The following AP5M1 variants were observed in gnomAD, a reference collection of about 807,000 sequenced individuals.
The protein encoded by AP5M1 is adaptor related protein complex 5 subunit mu 1.
In AP5M1, 44 loss-of-function variants were observed where a neutral mutation model predicts 52.3. The observed-to-expected ratio is 0.84, with a 90% CI of 0.66 to 1.08. The LOEUF (loss-of-function observed/expected upper bound fraction) is 1.08, where lower values mean the gene tolerates loss of function less well. Among genes scored for constraint, AP5M1 ranks in the 50% least tolerant of loss-of-function variants. The pLI, the probability that AP5M1 is intolerant of heterozygous loss-of-function variation, is 0.00. For synonymous variants in AP5M1, 213 were observed against 199.0 expected, an observed-to-expected ratio of 1.07 and a Z score of -0.59; for missense variants, 526 against 568.4, an observed-to-expected ratio of 0.93 and a Z score of 0.76.
chr14:57,271,294 T>C (rs1191378717), intron 1 of AP5M1: 1 of 152,278 alleles, frequency 6.6e-6, no homozygotes, highest in Non-Finnish European at 1.5e-5. Context: ...ATGCCGATTT[T>C]GACTAAAGAC....
intron 6 of AP5M1, among the ~76,000 whole-genome samples, chr14:57,284,304 G>C (rs550061004): frequency 6.6e-6 from 1 of 152,308 alleles, no homozygotes; most frequent in African/African-American, 2.4e-5. Context: ...GTAGTACTAT[G>C]AGAGACTGGA....
rs749317594 is a variant in AP5M1, at chr14:57,290,200, A to AT, written c.*1322dup. 1 of 151,930 alleles carries AT rather than the reference A, an allele frequency of 6.6e-6. No individual in the cohort carries two copies. The highest frequency in any genetic ancestry group is 2.4e-5 in the African/African-American group (1 of 41,408). The allele number at this position is 151,930 out of a possible 1,614,324, so 9.4% of individuals were successfully genotyped here. ...ATATAAATTTAGGATTTGAAATATG[A>AT]TTTTTTAATTAAGGTCAGTCCTACT... is the stretch of plus-strand genomic sequence containing the variant. On this transcript the variant is annotated 3_prime_UTR_variant, in exon 8 of 8. Transcript: ENST00000261558.
chr14:57,288,495 T>C (rs1463083872), intron 7 of AP5M1, among the ~76,000 whole-genome samples: 1 of 152,008 alleles, frequency 6.6e-6, no homozygotes, highest in Non-Finnish European at 1.5e-5. Flanking sequence ...TTTAATGTTT[T>C]TGCAGTCAGA....
intron 6 of AP5M1, among the ~76,000 whole-genome samples, chr14:57,285,721 T>G (rs1178849120): frequency 6.6e-6 from 1 of 152,158 alleles, no homozygotes; most frequent in Non-Finnish European, 1.5e-5. Flanking sequence ...TTAGAAGGTG[T>G]ATACTTTCCT....
chr14:57,272,740 A>C (rs1220803750), intron 1 of AP5M1, among the ~76,000 whole-genome samples: 1 of 152,194 alleles, frequency 6.6e-6, no homozygotes, highest in Non-Finnish European at 1.5e-5. Context: ...ATTCATATAC[A>C]GAGATTTAGA....
At position 57,288,823 on chromosome 14, in the gene AP5M1, A is replaced by G. The variant is rs1308095991; in HGVS notation, c.1412A>G (p.Asp471Gly). ...ISAHRKLISS[D>G]YYIWNSKAPA... ...TTAGACCGGAAACTAATTTCTTCTGATTATTACATCTGGAATTCTAAAGCC... is the reference window on the plus strand; with the variant it reads ...TTAGACCGGAAACTAATTTCTTCTGGTTATTACATCTGGAATTCTAAAGCC... The change falls in exon 8 of 8, where the codon GAT (aspartate) becomes GGT (glycine). Residue 471 changes from aspartate to glycine, a missense_variant. This residue lies in a region of AP5M1 where 97 missense variants were observed against 121.3 expected (regional missense o/e 0.80). Coordinates refer to ENST00000261558, the MANE Select transcript of AP5M1 (RefSeq NM_018229.4). The G allele has an allele frequency of 6.3e-7, 1 of 1,589,012 alleles. No individual in the cohort carries two copies. The highest frequency in any genetic ancestry group is 1.7e-5 in the Admixed American group (1 of 58,862).
chr14:57,273,841 C>T, intron 1 of AP5M1: 1 of 662,616 alleles, frequency 1.5e-6, no homozygotes, highest in Non-Finnish European at 2.7e-6. Context: ...ACTTTGTTAG[C>T]CCTACTCTAG....
chr14:57,290,759 A>G lies in AP5M1; in HGVS notation c.*1875A>G, dbSNP rs1885418456. The G allele has an allele frequency of 6.6e-6, 1 of 151,898 alleles. No homozygotes were observed. The highest frequency in any genetic ancestry group is 1.5e-5 in the Non-Finnish European group (1 of 67,882). 9.4% of individuals were successfully genotyped at this position (151,898 alleles called of 1,614,324 possible). The stretch of plus-strand genomic sequence containing the variant: ...CTGAACCAACTTAGGTTTTCATCCC[A>G]TTGAGATCAGCTGGGCACACTGTGA... On this transcript the variant is annotated 3_prime_UTR_variant, in exon 8 of 8. Transcript: ENST00000261558.
At chr14:57,275,060 A>G in intron 2 of AP5M1, 171 bp downstream of exon 2, 1 of 671,072 alleles carries the variant, frequency 1.5e-6, no homozygotes. Context: ...CTTACCAATT[A>G]TATTAGTTAT....
At chr14:57,271,438 T>A (rs1260369003) in intron 1 of AP5M1, 3 of 152,278 alleles carry the variant, frequency 2.0e-5, no homozygotes, top group Non-Finnish European at 2.9e-5. Context: ...TTCGTTTGCA[T>A]TTCTGTATGT....
In AP5M1 at chr14:57,269,139, C is replaced by A; in HGVS notation, c.-176C>A. ...TGGTGTGTGTTGGCCTAGAGCGACT[C>A]AGAAGCGTTAGTGACTTCACCTAAA... On this transcript the variant is annotated 5_prime_UTR_variant, in exon 1 of 8. Coordinates refer to ENST00000261558, the MANE Select transcript of AP5M1 (RefSeq NM_018229.4). 1 of 620,588 alleles carries A rather than the reference C, an allele frequency of 1.6e-6. No individual in the cohort carries two copies. 38.4% of individuals were successfully genotyped at this position (620,588 alleles called of 1,614,324 possible). A position where few individuals can be genotyped will look rare whatever the true frequency, so the allele number is the denominator to read the frequency against.
chr14:57,274,540 G>A lies in AP5M1; in HGVS notation c.371G>A (p.Ser124Asn). The A allele has an allele frequency of 1.2e-6, 2 of 1,614,176 alleles. No individual in the cohort carries two copies. The highest frequency in any genetic ancestry group is 1.7e-6 in the Non-Finnish European group (2 of 1,180,036). ...CTGTCCCCTCGTCCGCCACTAATTA[G>A]TGTCAGTGGAGTTTCACAAGGCTTT... ...QTLSPRPPLI[S>N]VSGVSQGFEF... Residue 124 changes from serine to asparagine, a missense_variant, in exon 2 of 8, where the codon AGT (serine) becomes AAT (asparagine). Ser to Asn is a conservative substitution (Grantham distance 46). This residue lies in a region of AP5M1 where 425 missense variants were observed against 430.6 expected (regional missense o/e 0.99). Transcript: ENST00000261558.
chr14:57,280,315 A>T lies in AP5M1; in HGVS notation c.841A>T (p.Thr281Ser). 6.2e-7 allele frequency: 1 copy of T among 1,613,492 alleles called. No homozygotes were observed. The highest frequency in any genetic ancestry group is 8.5e-7 in the Non-Finnish European group (1 of 1,179,432). Residue 281 changes from threonine (T) to serine (S), a missense_variant, in exon 3 of 8, where the codon ACT becomes TCT. Thr to Ser is a moderately conservative substitution (Grantham distance 58). This residue lies in a region of AP5M1 where 425 missense variants were observed against 430.6 expected (regional missense o/e 0.99). Coordinates refer to ENST00000261558, the MANE Select transcript of AP5M1 (RefSeq NM_018229.4). ...AACTTCTCTTGACTCTGCAATTCTG[A>T]CTTCTAGTAGTATTGATGCAATGGA... ...CVTSLDSAIL[T>S]SSSIDAMDDS...
chr14:57,285,278 A>G (rs1885279373), intron 6 of AP5M1, among the ~76,000 whole-genome samples: 1 of 152,172 alleles, frequency 6.6e-6, no homozygotes, highest in African/African-American at 2.4e-5. Flanking sequence ...TACCTTTCAG[A>G]AAAAAATGTG....
intron 7 of AP5M1, among the ~76,000 whole-genome samples, chr14:57,287,128 G>A (rs968126073): frequency 7.9e-5 from 12 of 152,054 alleles, no homozygotes; most frequent in Admixed American, 3.9e-4. Flanking sequence ...TAGCTAAAAT[G>A]AGGTAGAGTT....
At chr14:57,286,034 A>G (rs1885298977) in intron 6 of AP5M1, among the ~76,000 whole-genome samples, 189 bp from the exon 7 acceptor site, 1 of 151,424 alleles carries the variant, frequency 6.6e-6, no homozygotes, top group South Asian at 2.1e-4. Context: ...ATGCAAACGG[A>G]AAAAAAAACT....
intron 2 of AP5M1, among the ~76,000 whole-genome samples, chr14:57,275,759 G>A (rs1259173708): frequency 6.6e-6 from 1 of 152,134 alleles, no homozygotes; most frequent in East Asian, 1.9e-4. Context: ...AAGTCGTTAG[G>A]TTAATATTGG....
At position 57,288,921 on chromosome 14, in the gene AP5M1, A is replaced by T. The variant is rs1215347904; in HGVS notation, c.*37A>T. On this transcript the variant is annotated 3_prime_UTR_variant, in exon 8 of 8. Transcript: ENST00000261558. ...TTAAATGGGATTATATAATGATAAC[A>T]GTTTAAAGAAAATCATAATCTTATA... The T allele has an allele frequency of 8.2e-7, 1 of 1,220,362 alleles. No homozygotes were observed. The highest frequency in any genetic ancestry group is 1.2e-6 in the Non-Finnish European group (1 of 856,874). 75.6% of individuals were successfully genotyped at this position (1,220,362 alleles called of 1,614,324 possible).
At position 57,283,005 on chromosome 14, in the gene AP5M1, T is replaced by A. The variant is rs1885220128; in HGVS notation, c.1160T>A (p.Leu387Ter). 3.1e-6 allele frequency: 5 copies of A among 1,598,938 alleles called. No individual in the cohort carries two copies. The highest frequency in any genetic ancestry group is 4.3e-6 in the Non-Finnish European group (5 of 1,171,148). Residue 387 changes from leucine to a stop codon, truncating the protein, a stop_gained, in exon 5 of 8, where the codon TTG becomes TAG. Coordinates refer to ENST00000261558, the MANE Select transcript of AP5M1 (RefSeq NM_018229.4). LOFTEE classifies it high-confidence loss of function. ...GAAGTATTTCGAGAGAAAAGCTTAT[T>A]GATCTGGATTATTGGTGAGCAAGTT... is the stretch of plus-strand genomic sequence containing the variant. ...QLEVFREKSL[L>*]IWIIGQKFPK...
Sources: allele counts gnomAD v4.1 joint callset (sites outside exome capture counted in the v4.1 genomes callset), GRCh38; gene constraint gnomAD v4.1.1; regional missense constraint gnomAD v4.1.1; transcripts MANE v1.5; gene names NCBI Gene and HGNC (gene_info 2026-07-23, HGNC 2026-07-21).